Variants in KDM7A observed in about 807,000 individuals in gnomAD.
The protein encoded by KDM7A is lysine demethylase 7A, also known as lysine-specific demethylase 7A.
A neutral mutation model predicts 114.8 loss-of-function variants in KDM7A; 28 were observed. The ratio of observed to expected loss-of-function variants is 0.24; its 90% CI spans 0.18 to 0.33. KDM7A has a LOEUF of 0.33. Ranked by LOEUF, KDM7A falls within the 10% of genes least tolerant of loss-of-function variation. The pLI is 1.00. For synonymous variants in KDM7A, 423 were observed against 397.8 expected, an observed-to-expected ratio of 1.06 and a Z score of -0.75; for missense variants, 942 against 1,142.5, an observed-to-expected ratio of 0.82 and a Z score of 2.53.
At chr7:140,125,438 C>T (rs1430019116) in intron 6 of KDM7A, among the ~76,000 whole-genome samples, 1 of 152,198 alleles carries the variant, frequency 6.6e-6, no homozygotes, top group East Asian at 1.9e-4. Flanking sequence ...CTAGTATAAA[C>T]GAGGAACTGA....
rs1260238442 is a variant in KDM7A at position 140,176,521 on chromosome 7, T to A, written c.194+223A>T. ...TGTTCGTGTTTGTTGTGGCGACTCT[T>A]CGCCCGGGCCAGGCGAGCCCACCGG... On this transcript the variant is annotated intron_variant, in intron 1 of 19. Transcript: ENST00000397560. This position sits in a 1 kb window ranked among gnomAD's most constrained non-coding sequence, Gnocchi z 4.4. 6.8e-6 allele frequency among the ~76,000 whole-genome samples: 1 copy of A among 146,560 alleles called. No homozygotes were observed. The highest frequency in any genetic ancestry group is 1.5e-5 in the Non-Finnish European group (1 of 65,920).
chr7:140,135,205 CTTTTTT>C (rs11336171), intron 2 of KDM7A, among the ~76,000 whole-genome samples: 1 of 131,850 alleles, frequency 7.6e-6, no homozygotes, highest in Non-Finnish European at 1.6e-5. Context: ...TACATAACTC[CTTTTTT>C]TTTTTTTTTT....
intron 9 of KDM7A, 58 bp from the exon 10 acceptor site, chr7:140,113,640 G>C: frequency 2.3e-6 from 2 of 866,784 alleles, no homozygotes; most frequent in Non-Finnish European, 3.7e-6. Context: ...TAAAGTTAAA[G>C]GGATTAACTT....
intron 1 of KDM7A, among the ~76,000 whole-genome samples, chr7:140,148,971 T>C (rs1794370828): frequency 1.3e-5 from 2 of 152,186 alleles, no homozygotes; most frequent in East Asian, 1.9e-4. Context: ...CCAAATTCCT[T>C]TGGTTCACAA....
chr7:140,140,850 G>A (rs62491421), intron 1 of KDM7A, among the ~76,000 whole-genome samples: 9,397 of 151,944 alleles, frequency 0.062, 371 homozygotes, highest in Non-Finnish European at 0.09. Context: ...GTAAAATAAG[G>A]AAAAGAATTA....
Position 140,176,923 on chromosome 7 carries a change from CGCCGCT to C in KDM7A, c.9_14del (p.Ala6_Ala7del). Reference sequence around the variant, plus strand: ...CTGCTGCTCCCGCGGCCACCGCCGCCGCCGCTCCGGCCATCTTTAAAAAACACACAC... The same window carrying C: ...CTGCTGCTCCCGCGGCCACCGCCGCCCCGGCCATCTTTAAAAAACACACAC... On this transcript the variant is annotated inframe_deletion, in exon 1 of 20. Coordinates refer to ENST00000397560, the MANE Select transcript of KDM7A (RefSeq NM_030647.2). This position sits in a 1 kb window ranked among gnomAD's most constrained non-coding sequence, Gnocchi z 4.4. The C allele has an allele frequency of 8.6e-7, 1 of 1,163,766 alleles. No individual in the cohort carries two copies. The highest frequency in any genetic ancestry group is 4.4e-5 in the East Asian group (1 of 22,576). 72.1% of individuals were successfully genotyped at this position (1,163,766 alleles called of 1,614,324 possible). A position where few individuals can be genotyped will look rare whatever the true frequency, so the allele number is the denominator to read the frequency against.
intron 2 of KDM7A, among the ~76,000 whole-genome samples, chr7:140,138,467 A>G (rs989963379): frequency 2.0e-5 from 3 of 152,084 alleles, no homozygotes; most frequent in South Asian, 4.1e-4. Flanking sequence ...ATGTTGGTCC[A>G]CTCCAAAAGA....
In KDM7A at chr7:140,097,592, A is replaced by T. The variant is rs941155926; in HGVS notation, c.1969T>A (p.Ser657Thr). 3 of 1,609,148 alleles carry T rather than the reference A, an allele frequency of 1.9e-6. No homozygotes were observed. The highest frequency in any genetic ancestry group is 2.6e-6 in the Non-Finnish European group (3 of 1,175,600). Residue 657 changes from serine to threonine, a missense_variant, in exon 15 of 20, where the codon TCT (serine) becomes ACT (threonine). This residue lies in a region of KDM7A where 512 missense variants were observed against 576.6 expected (regional missense o/e 0.89). Transcript: ENST00000397560. ...GAGTCTTCTGACTCAGAAATATCAG[A>T]ATATCCTGATGATCTACTCCTGAGT... ...SELRSRSSGYSDISESEDSGP... is the reference protein window; with the variant it reads ...SELRSRSSGYTDISESEDSGP...
chr7:140,161,014 C>T (rs1794512991), intron 1 of KDM7A, among the ~76,000 whole-genome samples: 1 of 152,148 alleles, frequency 6.6e-6, no homozygotes, highest in African/African-American at 2.4e-5. Context: ...AAACAACAGG[C>T]ACACAAAGTT....
At chr7:140,144,204 T>C (rs368131910) in intron 1 of KDM7A, among the ~76,000 whole-genome samples, 1 of 152,334 alleles carries the variant, frequency 6.6e-6, no homozygotes. Flanking sequence ...AATAAACTCT[T>C]ACATTTGTGG....
intron 12 of KDM7A, among the ~76,000 whole-genome samples, chr7:140,100,723 T>TACAC (rs1818205555): frequency 1.7e-5 from 1 of 59,338 alleles, no homozygotes; most frequent in Non-Finnish European, 3.2e-5. Flanking sequence ...TATATATATA[T>TACAC]ATATATATAT....
At chr7:140,149,572 C>CT (rs1794376459) in intron 1 of KDM7A, among the ~76,000 whole-genome samples, 1 of 152,214 alleles carries the variant, frequency 6.6e-6, no homozygotes, top group Admixed American at 6.5e-5. Context: ...AGTTAATACT[C>CT]TCTTATTCCT....
At chr7:140,152,365 C>G (rs1428863441) in intron 1 of KDM7A, among the ~76,000 whole-genome samples, 1 of 152,158 alleles carries the variant, frequency 6.6e-6, no homozygotes, top group Non-Finnish European at 1.5e-5. Flanking sequence ...TGGCCCACAC[C>G]TGGAATCCTA....
rs1363103797 is a variant in KDM7A, at chr7:140,089,487, A to T, written c.*1607T>A. On this transcript the variant is annotated 3_prime_UTR_variant, in exon 20 of 20. Coordinates refer to ENST00000397560, the MANE Select transcript of KDM7A (RefSeq NM_030647.2). ...GGTAAGTCCTGCTATCTTGCTGAGT[A>T]AAAAAAAGACAAATCCATAATATGG... is the stretch of plus-strand genomic sequence containing the variant. The T allele has an allele frequency of 3.3e-5, 5 of 151,194 alleles. No individual in the cohort carries two copies. The highest frequency in any genetic ancestry group is 9.8e-5 in the African/African-American group (4 of 40,610). 9.4% of individuals were successfully genotyped at this position (151,194 alleles called of 1,614,324 possible).
At chr7:140,107,027 G>A (rs1282752938) in intron 11 of KDM7A, among the ~76,000 whole-genome samples, 1 of 152,098 alleles carries the variant, frequency 6.6e-6, no homozygotes, top group Non-Finnish European at 1.5e-5. Flanking sequence ...ATTATGTAAT[G>A]GCCTTCTTTG....
intron 11 of KDM7A, among the ~76,000 whole-genome samples, chr7:140,103,615 T>C (rs1585140946): frequency 1.3e-5 from 2 of 152,204 alleles, no homozygotes; most frequent in East Asian, 3.8e-4. Flanking sequence ...TCCAGTTTCA[T>C]CCATGTCCCT....
chr7:140,165,923 G>C (rs1040240228), intron 1 of KDM7A, among the ~76,000 whole-genome samples: 1 of 152,156 alleles, frequency 6.6e-6, no homozygotes, highest in Admixed American at 6.5e-5. Context: ...GGAGGCAAAA[G>C]AAATTCATGC....
chr7:140,130,851 CTTTTTTTT>C (rs574245274), intron 3 of KDM7A, among the ~76,000 whole-genome samples: 1 of 97,240 alleles, frequency 1.0e-5, no homozygotes. Context: ...TTTAATAAGT[CTTTTTTTT>C]TTTTTTTTTT....
chr7:140,088,500 G>A lies in KDM7A; in HGVS notation c.*2594C>T, dbSNP rs1817969695. The A allele has an allele frequency of 2.5e-6, 1 of 398,210 alleles. No homozygotes were observed. The highest frequency in any genetic ancestry group is 4.4e-6 in the Non-Finnish European group (1 of 225,892). 24.7% of individuals were successfully genotyped at this position (398,210 alleles called of 1,614,324 possible). On this transcript the variant is annotated 3_prime_UTR_variant, in exon 20 of 20. Transcript: ENST00000397560. ...TGCTGTGTCTGTATGGTATAAATGAGGTTCTCTATTACTGTTAAGCCCAGG... is the reference window on the plus strand; with the variant it reads ...TGCTGTGTCTGTATGGTATAAATGAAGTTCTCTATTACTGTTAAGCCCAGG...
Sources: allele counts gnomAD v4.1 joint callset (sites outside exome capture counted in the v4.1 genomes callset), GRCh38; gene constraint gnomAD v4.1.1; regional missense constraint gnomAD v4.1.1; non-coding constraint Gnocchi (gnomAD v3.1); transcripts MANE v1.5; gene names NCBI Gene and HGNC (gene_info 2026-07-23, HGNC 2026-07-21).